Variants in PPARGC1B observed in about 807,000 individuals in gnomAD.
PPARGC1B encodes the protein PPARG coactivator 1 beta.
PPARGC1B carries 34 observed loss-of-function variants against 101.6 expected under a neutral mutation model. The observed-to-expected ratio is 0.33, with a 90% CI of 0.25 to 0.45. The LOEUF (loss-of-function observed/expected upper bound fraction) is 0.45, where lower values mean the gene tolerates loss of function less well. Among genes scored for constraint, PPARGC1B ranks in the 20% least tolerant of loss-of-function variants. The pLI, the probability that PPARGC1B is intolerant of heterozygous loss-of-function variation, is 1.00. For synonymous variants in PPARGC1B, 548 were observed against 539.3 expected (o/e 1.02, Z -0.22); for missense variants, 1,234 against 1,317.6 (o/e 0.94, Z 0.98).
At chr5:149,843,528 T>C (rs113346136) in intron 10 of PPARGC1B, among the ~76,000 whole-genome samples, 5,117 of 152,284 alleles carry the variant, frequency 0.034, 125 homozygotes, top group Admixed American at 0.061. Flanking sequence ...CTGGAACTCT[T>C]GTATAGTGTT....
intron 1 of PPARGC1B, among the ~76,000 whole-genome samples, chr5:149,780,018 A>T (rs1051651297): frequency 1.5e-4 from 23 of 152,184 alleles, no homozygotes; most frequent in African/African-American, 4.3e-4. Flanking sequence ...CCTCAGCCCA[A>T]GATGCTGAAA....
intron 1 of PPARGC1B, among the ~76,000 whole-genome samples, chr5:149,809,861 G>GA (rs1757782774): frequency 6.6e-6 from 1 of 152,078 alleles, no homozygotes; most frequent in African/African-American, 2.4e-5. Context: ...GCCATTTGGG[G>GA]TGCAGTGGTC....
intron 1 of PPARGC1B, among the ~76,000 whole-genome samples, chr5:149,745,779 A>G (rs909057234): frequency 6.6e-6 from 1 of 152,134 alleles, no homozygotes; most frequent in Non-Finnish European, 1.5e-5. Flanking sequence ...CCTGCCGGTA[A>G]TCAGTTTTCA....
At chr5:149,808,459 G>A (rs572067025) in intron 1 of PPARGC1B, among the ~76,000 whole-genome samples, 1 of 152,222 alleles carries the variant, frequency 6.6e-6, no homozygotes, top group Admixed American at 6.5e-5. Context: ...TGTTGCTCTC[G>A]GTAGAGCTGA....
At chr5:149,787,024 T>G (rs1167015428) in intron 1 of PPARGC1B, among the ~76,000 whole-genome samples, 1 of 152,196 alleles carries the variant, frequency 6.6e-6, no homozygotes, top group Non-Finnish European at 1.5e-5. Flanking sequence ...GGTTCAGGTT[T>G]AGTTAGATCC....
At chr5:149,834,597 A>G in intron 5 of PPARGC1B, 77 bp from the exon 6 acceptor site, 1 of 1,361,110 alleles carries the variant, frequency 7.3e-7, no homozygotes, top group Non-Finnish European at 1.0e-6. Context: ...GTGGAGGCCT[A>G]GGGTCTCCTC....
intron 10 of PPARGC1B, among the ~76,000 whole-genome samples, chr5:149,843,483 A>G (rs1210724241): frequency 6.6e-6 from 1 of 152,236 alleles, no homozygotes; most frequent in Non-Finnish European, 1.5e-5. Context: ...CTATCAAAAA[A>G]CCAGAAAATA....
Position 149,783,471 on chromosome 5 carries a change from G to A in PPARGC1B, c.79-36962G>A, listed in dbSNP as rs192296324. 2.0e-3 allele frequency among the ~76,000 whole-genome samples: 310 copies of A among 152,320 alleles called. 2 individuals carry two copies. Among genetic ancestry groups the A allele is most frequent in the African/African-American group, 7.0e-3 (291 of 41,568 alleles). The stretch of plus-strand genomic sequence containing the variant: ...CACCAGCCTCACAGGGATGTTTTGA[G>A]TACCAGATAAGCGAGTGTGTGAAAG... On this transcript the variant is annotated intron_variant, in intron 1 of 11. Transcript: ENST00000309241.
At chr5:149,830,569 G>A (rs770481465) in intron 3 of PPARGC1B, among the ~76,000 whole-genome samples, 198 bp from the exon 4 acceptor site, 7 of 152,242 alleles carry the variant, frequency 4.6e-5, no homozygotes, top group Non-Finnish European at 1.0e-4. Flanking sequence ...GCATACTTAC[G>A]TGTGTTCGGG....
At chr5:149,845,235 C>T (rs115344806) in intron 10 of PPARGC1B, among the ~76,000 whole-genome samples, 170 of 152,198 alleles carry the variant, frequency 1.1e-3, no homozygotes, top group African/African-American at 4.0e-3. Context: ...GAGGTGAAGG[C>T]CAAGATGGCA....
At chr5:149,800,562 A>G (rs896002579) in intron 1 of PPARGC1B, among the ~76,000 whole-genome samples, 1 of 152,190 alleles carries the variant, frequency 6.6e-6, no homozygotes, top group Non-Finnish European at 1.5e-5. Context: ...CCATGTCTTA[A>G]ATGGCTAACA....
At chr5:149,778,659 T>C (rs907681888) in intron 1 of PPARGC1B, among the ~76,000 whole-genome samples, 1 of 152,062 alleles carries the variant, frequency 6.6e-6, no homozygotes, top group East Asian at 1.9e-4. Context: ...TGGGCCCTCA[T>C]AGAGCAAGGC....
At chr5:149,799,078 C>A (rs1757334595) in intron 1 of PPARGC1B, among the ~76,000 whole-genome samples, 1 of 151,430 alleles carries the variant, frequency 6.6e-6, no homozygotes, top group African/African-American at 2.4e-5. Flanking sequence ...GGAGACCTCA[C>A]TAGATGGACT....
intron 1 of PPARGC1B, among the ~76,000 whole-genome samples, chr5:149,802,270 C>T (rs931703672): frequency 5.3e-5 from 8 of 152,186 alleles, no homozygotes; most frequent in Non-Finnish European, 7.3e-5. Flanking sequence ...ATGTGGCCCT[C>T]GCTCCTCCGT....
At chr5:149,776,727 C>T (rs1422441439) in intron 1 of PPARGC1B, among the ~76,000 whole-genome samples, 1 of 152,240 alleles carries the variant, frequency 6.6e-6, no homozygotes, top group East Asian at 1.9e-4. Flanking sequence ...ACTGTGGCCT[C>T]AGCAGTTAGC....
intron 1 of PPARGC1B, among the ~76,000 whole-genome samples, chr5:149,747,118 T>G (rs530039171): frequency 6.6e-6 from 1 of 152,350 alleles, no homozygotes; most frequent in South Asian, 2.1e-4. Flanking sequence ...AATTTGTCTA[T>G]TTTTTCTTTT....
intron 1 of PPARGC1B, among the ~76,000 whole-genome samples, chr5:149,816,588 C>A (rs1465221152): frequency 6.6e-6 from 1 of 152,230 alleles, no homozygotes; most frequent in Non-Finnish European, 1.5e-5. Flanking sequence ...CCATGACTTA[C>A]CTGGACAACT....
chr5:149,807,337 G>A (rs970904751), intron 1 of PPARGC1B, among the ~76,000 whole-genome samples: 4 of 151,902 alleles, frequency 2.6e-5, no homozygotes, highest in African/African-American at 7.3e-5. Context: ...AGGCACATCT[G>A]AATTTTGAGG....
chr5:149,760,246 G>T (rs17711388), intron 1 of PPARGC1B, among the ~76,000 whole-genome samples: 1 of 152,118 alleles, frequency 6.6e-6, no homozygotes, highest in Non-Finnish European at 1.5e-5. Context: ...GGACAGCAGA[G>T]GGCTCTGGGC....
Sources: allele counts gnomAD v4.1 joint callset (sites outside exome capture counted in the v4.1 genomes callset), GRCh38; gene constraint gnomAD v4.1.1; transcripts MANE v1.5; gene names NCBI Gene and HGNC (gene_info 2026-07-23, HGNC 2026-07-21).